Variants in COPG2 observed in about 807,000 individuals in gnomAD.
COPG2 encodes the protein coatomer subunit gamma-2.
Under a neutral mutation model 46.3 loss-of-function variants are expected in COPG2, and 37 were observed. The observed-to-expected ratio is 0.80, with a 90% CI of 0.61 to 1.05. The LOEUF (loss-of-function observed/expected upper bound fraction) is 1.05. COPG2 is among the 50% of genes least tolerant of loss of function. The pLI is 0.00. For synonymous variants in COPG2, 159 were observed against 129.7 expected (o/e 1.23, Z -1.53); for missense variants, 427 against 387.8 (o/e 1.10, Z -0.85).
intron 6 of COPG2, among the ~76,000 whole-genome samples, chr7:130,614,293 C>T (rs916496150): frequency 2.0e-5 from 3 of 152,114 alleles, no homozygotes; most frequent in African/African-American, 7.2e-5. Flanking sequence ...CACGCTGCTA[C>T]CAATGTAATG....
At chr7:130,595,812 CT>C (rs1455937718) in intron 9 of COPG2, among the ~76,000 whole-genome samples, 6 of 151,772 alleles carry the variant, frequency 4.0e-5, no homozygotes, top group Admixed American at 2.6e-4. Context: ...GACCCCCCCC[CT>C]CCAGCCTACC....
chr7:130,636,806 T>C (rs888606189), intron 5 of COPG2, among the ~76,000 whole-genome samples: 2 of 152,208 alleles, frequency 1.3e-5, no homozygotes, highest in Non-Finnish European at 2.9e-5. Flanking sequence ...TGATGCAGTT[T>C]CTTCATAGTG....
rs782806622 is a variant in COPG2, at chr7:130,506,825, G to GA, written c.2486-20dup. ...AATATACCTGAGAGAAAAAAGTAAG[G>GA]AAAACCATATTAAGAACCCAAAACA... is the stretch of plus-strand genomic sequence containing the variant. On this transcript the variant is annotated intron_variant, in intron 23 of 23. Transcript: ENST00000425248. 1 of 766,232 alleles carries GA rather than the reference G, an allele frequency of 1.3e-6. No homozygotes were observed. The highest frequency in any genetic ancestry group is 2.4e-6 in the Non-Finnish European group (1 of 412,640). The allele number at this position is 766,232 out of a possible 1,614,324, so 47.5% of individuals were successfully genotyped here.
chr7:130,635,157 T>A (rs1192375240), intron 5 of COPG2, among the ~76,000 whole-genome samples: 3 of 151,656 alleles, frequency 2.0e-5, no homozygotes, highest in African/African-American at 7.3e-5. Flanking sequence ...TCAGGGTTAT[T>A]GGCCTGAAAT....
intron 4 of COPG2, among the ~76,000 whole-genome samples, chr7:130,657,239 C>T (rs1451090159): frequency 2.6e-5 from 4 of 152,066 alleles, no homozygotes; most frequent in Non-Finnish European, 4.4e-5. Context: ...CCCCCTCCTC[C>T]CCTTTCTCCT....
rs1284034360 is a variant in COPG2 at position 130,549,043 on chromosome 7, C to CAA, written c.1837+269_1837+270dup. On this transcript the variant is annotated intron_variant, in intron 18 of 23. Transcript: ENST00000425248. Reference sequence around the variant, plus strand: ...CTTATATATTAATGAAAGCAAAAAGCAAAAAAAAAAAAAAAGAAAGTAAAT... The same window carrying CAA: ...CTTATATATTAATGAAAGCAAAAAGCAAAAAAAAAAAAAAAAAGAAAGTAAAT... Among the ~76,000 whole-genome samples the CAA allele has an allele frequency of 7.0e-3, 769 of 110,642 alleles. 5 individuals carry two copies. The highest frequency in any genetic ancestry group is 0.016 in the Middle Eastern group (3 of 188). 72.6% of individuals were successfully genotyped at this position (110,642 alleles called of 152,430 possible).
rs1167291714 is a variant in COPG2 at position 130,552,434 on chromosome 7, T to C, written c.1469-4A>G. On this transcript the variant is annotated splice_polypyrimidine_tract_variant and splice_region_variant and intron_variant, in intron 14 of 23. Transcript: ENST00000425248. ...TTAGCCAAAGCACTCACAGCAGCTA[T>C]AATGAAGCATACAATTATGGTACAT... The C allele has an allele frequency of 3.0e-5, 12 of 398,260 alleles. No individual in the cohort carries two copies. Among genetic ancestry groups the C allele is most frequent in the Non-Finnish European group, 4.9e-5 (11 of 225,918 alleles). 24.7% of individuals were successfully genotyped at this position (398,260 alleles called of 1,614,324 possible).
chr7:130,538,989 T>C (rs1286841925), intron 20 of COPG2, among the ~76,000 whole-genome samples: 7 of 151,952 alleles, frequency 4.6e-5, no homozygotes, highest in African/African-American at 7.3e-5. Context: ...AGAGTTTGGA[T>C]AGGATGAAGG....
At chr7:130,527,889 G>A (rs970133908) in intron 20 of COPG2, among the ~76,000 whole-genome samples, 1 of 152,114 alleles carries the variant, frequency 6.6e-6, no homozygotes, top group Non-Finnish European at 1.5e-5. Flanking sequence ...CCAACGCCTC[G>A]GTCCCAGACT....
chr7:130,509,611 A>G (rs1199740793), intron 20 of COPG2: 1 of 479,684 alleles, frequency 2.1e-6, no homozygotes, highest in Non-Finnish European at 4.2e-6. Flanking sequence ...TCATCCATCC[A>G]CACATGTAGT....
At chr7:130,523,774 CG>C (rs36183428) in intron 20 of COPG2, among the ~76,000 whole-genome samples, 39,815 of 151,650 alleles carry the variant, frequency 0.26, 5,459 homozygotes, top group African/African-American at 0.3. Context: ...TCTGTTGTCA[CG>C]GGGAGGAAAG....
intron 20 of COPG2, among the ~76,000 whole-genome samples, chr7:130,513,802 T>TAC (rs1468285705): frequency 6.6e-6 from 1 of 152,098 alleles, no homozygotes; most frequent in African/African-American, 2.4e-5. Flanking sequence ...CACAAGATGA[T>TAC]AGCTGAAAAA....
intron 9 of COPG2, among the ~76,000 whole-genome samples, chr7:130,592,836 A>G (rs1176660376): frequency 6.6e-6 from 1 of 152,252 alleles, no homozygotes; most frequent in Non-Finnish European, 1.5e-5. Flanking sequence ...GGCTTACACC[A>G]AAACTATGCC....
chr7:130,663,088 A>G, intron 3 of COPG2, 50 bp from the exon 4 acceptor site: 1 of 924,014 alleles, frequency 1.1e-6, no homozygotes, highest in East Asian at 2.7e-5. Flanking sequence ...GTATATTCAT[A>G]TATATGTACA....
chr7:130,660,052 A>G (rs1795946342), intron 4 of COPG2, among the ~76,000 whole-genome samples: 1 of 152,242 alleles, frequency 6.6e-6, no homozygotes, highest in African/African-American at 2.4e-5. Context: ...CAAGACAGTA[A>G]TTACCTTCTG....
intron 5 of COPG2, among the ~76,000 whole-genome samples, chr7:130,620,317 T>C (rs937104357): frequency 3.9e-5 from 6 of 152,136 alleles, no homozygotes; most frequent in Admixed American, 6.5e-5. Context: ...GCATACATTC[T>C]GACAGGGAAC....
intron 9 of COPG2, among the ~76,000 whole-genome samples, chr7:130,579,403 T>C (rs1353399491): frequency 6.7e-6 from 1 of 148,448 alleles, no homozygotes; most frequent in Admixed American, 6.7e-5. Flanking sequence ...CATGCCAAAA[T>C]GTAAAGACCA....
intron 4 of COPG2, among the ~76,000 whole-genome samples, chr7:130,661,158 T>C (rs1360425852): frequency 6.6e-6 from 1 of 152,240 alleles, no homozygotes; most frequent in African/African-American, 2.4e-5. Context: ...CCCTAATCCA[T>C]TTCCTAGAAG....
In COPG2 at chr7:130,554,515, A is replaced by G; in HGVS notation, c.1434T>C (p.Asn478=). ...VPSKYIRFIF[N]RVVLENEAVR... is the part of the protein sequence containing the mutation. ...CAGCCTCATTCTCCAGGACAACCCT[A>G]TTAAAAATAAAACGGATATATTTGG... Residue 478 remains asparagine (N), a synonymous_variant, in exon 14 of 24, where the codon AAT becomes AAC. Transcript: ENST00000425248. 2.5e-6 allele frequency: 1 copy of G among 398,650 alleles called. No individual in the cohort carries two copies. Among genetic ancestry groups the G allele is most frequent in the South Asian group, 1.3e-4 (1 of 7,862 alleles). The allele number at this position is 398,650 out of a possible 1,614,324, so 24.7% of individuals were successfully genotyped here.
Sources: gnomAD v4.1 joint callset for allele counts (sites outside exome capture counted in the v4.1 genomes callset) on GRCh38, gnomAD v4.1.1 for gene constraint, MANE v1.5 for transcripts, NCBI Gene and HGNC (gene_info 2026-07-23, HGNC 2026-07-21) for gene names.